The following PCDH11X variants were observed in gnomAD, a reference collection of about 807,000 sequenced individuals.
The protein encoded by PCDH11X is protocadherin-11 X-linked.
In PCDH11X, 18 loss-of-function variants were observed where a neutral mutation model predicts 53.3. The observed-to-expected ratio is 0.34, with a 90% CI of 0.23 to 0.50. The LOEUF (loss-of-function observed/expected upper bound fraction) is 0.50. PCDH11X is among the 20% of genes least tolerant of loss of function. PCDH11X has a pLI of 0.98. For missense variants in PCDH11X, 570 were observed against 1,032.4 expected, an observed-to-expected ratio of 0.55 and a Z score of 6.14; for synonymous variants, 279 against 393.3, an observed-to-expected ratio of 0.71 and a Z score of 3.44.
At chrX:91,935,382 T>C (rs1234665399) in intron 6 of PCDH11X, among the ~76,000 whole-genome samples, 1 of 109,340 alleles carries the variant, frequency 9.1e-6, no homozygotes, top group Non-Finnish European at 1.9e-5. Flanking sequence ...TTCTTACACT[T>C]ATATTTCCCA....
chrX:92,380,063 C>A (rs1209137201), intron 8 of PCDH11X, among the ~76,000 whole-genome samples: 1 of 99,734 alleles, frequency 1.0e-5, no homozygotes, highest in Non-Finnish European at 2.1e-5. Flanking sequence ...GAGCCTGGAC[C>A]TAGGAGCTCC....
chrX:92,095,230 G>T (rs186494306), intron 6 of PCDH11X, among the ~76,000 whole-genome samples: 3,259 of 110,376 alleles, frequency 0.03, 86 homozygotes, highest in African/African-American at 0.081. Context: ...GGCTTTTTCT[G>T]CATTTCATAT....
chrX:91,904,930 A>G lies in PCDH11X; in HGVS notation c.3033+25657A>G, dbSNP rs760482361. ...ATAATAAGCTAAGGACAATTTGTTT[A>G]AAATTGTTTTAGACATTTCATTTAC... is the stretch of plus-strand genomic sequence containing the variant. On this transcript the variant is annotated intron_variant, in intron 6 of 10. Coordinates refer to ENST00000682573, the MANE Select transcript of PCDH11X (RefSeq NM_032968.5). Among the ~76,000 whole-genome samples, 31 of 110,341 alleles carry G rather than the reference A, an allele frequency of 2.8e-4. No individual in the cohort carries two copies. In the South Asian group the frequency reaches 0.011, roughly 37 times the overall value.
intron 6 of PCDH11X, among the ~76,000 whole-genome samples, chrX:92,176,861 GAACA>G (rs1603114291): frequency 1.8e-5 from 2 of 111,250 alleles, no homozygotes; most frequent in Non-Finnish European, 3.8e-5. Flanking sequence ...CAGATCCTTA[GAACA>G]GATTGGCACA....
At chrX:92,127,518 C>CTTTTT (rs35828888) in intron 6 of PCDH11X, among the ~76,000 whole-genome samples, 2 of 88,437 alleles carry the variant, frequency 2.3e-5, no homozygotes, top group Non-Finnish European at 4.3e-5. Context: ...TTTCCCCCCA[C>CTTTTT]TTTTTTTTTT....
chrX:91,970,070 G>A (rs2061930746), intron 6 of PCDH11X, among the ~76,000 whole-genome samples: 1 of 111,199 alleles, frequency 9.0e-6, no homozygotes, highest in African/African-American at 3.3e-5. Flanking sequence ...AGCTCATAAA[G>A]GCAGCGTATC....
intron 6 of PCDH11X, among the ~76,000 whole-genome samples, chrX:92,096,533 G>A (rs1256151052): frequency 9.3e-6 from 1 of 107,777 alleles, no homozygotes; most frequent in Non-Finnish European, 1.9e-5. Context: ...CCATTTTCAT[G>A]CTGCTGATAA....
At chrX:92,259,399 C>T (rs1216510831) in intron 7 of PCDH11X, among the ~76,000 whole-genome samples, 1 of 111,314 alleles carries the variant, frequency 9.0e-6, no homozygotes, top group East Asian at 2.8e-4. Context: ...AGGAAACTTA[C>T]AATCATGGTG....
At chrX:92,138,507 T>C (rs1230756091) in intron 6 of PCDH11X, among the ~76,000 whole-genome samples, 12 of 109,466 alleles carry the variant, frequency 1.1e-4, no homozygotes, top group Non-Finnish European at 2.1e-4. Context: ...AAACATAAAA[T>C]TAAAATTAAC....
intron 6 of PCDH11X, among the ~76,000 whole-genome samples, chrX:92,169,891 C>G (rs1416216185): frequency 9.0e-6 from 1 of 110,693 alleles, no homozygotes; most frequent in East Asian, 2.8e-4. Flanking sequence ...ACAAACTTAC[C>G]TACATATAGG....
chrX:92,143,575 T>C (rs1035519717), intron 6 of PCDH11X, among the ~76,000 whole-genome samples: 3 of 112,609 alleles, frequency 2.7e-5, no homozygotes, highest in African/African-American at 6.5e-5. Flanking sequence ...ATGTCAAGAA[T>C]TGTGGTTTGG....
At chrX:92,128,822 C>CAAT (rs2064919297) in intron 6 of PCDH11X, among the ~76,000 whole-genome samples, 1 of 110,320 alleles carries the variant, frequency 9.1e-6, no homozygotes, top group Non-Finnish European at 1.9e-5. Flanking sequence ...TTTTCTATTA[C>CAAT]AATAATTTCC....
chrX:91,986,660 T>A (rs2062233246), intron 6 of PCDH11X, among the ~76,000 whole-genome samples: 1 of 107,992 alleles, frequency 9.3e-6, no homozygotes, highest in Admixed American at 1.0e-4. Context: ...TCAAAGCGAC[T>A]CTGCATTTCT....
intron 8 of PCDH11X, among the ~76,000 whole-genome samples, chrX:92,336,103 A>G (rs1239769284): frequency 1.8e-5 from 2 of 111,742 alleles, no homozygotes; most frequent in Non-Finnish European, 3.8e-5. Context: ...GAAGGTATCT[A>G]CCAAAATTAT....
At chrX:91,932,601 GAGAGAACA>G (rs2061400075) in intron 6 of PCDH11X, among the ~76,000 whole-genome samples, 1 of 101,139 alleles carries the variant, frequency 9.9e-6, no homozygotes, top group Non-Finnish European at 2.0e-5. Context: ...GAAGAGAGCA[GAGAGAACA>G]AGAGAAGAGA....
At chrX:92,037,637 G>T (rs750218112) in intron 6 of PCDH11X, among the ~76,000 whole-genome samples, 1,434 of 110,388 alleles carry the variant, frequency 0.013, 26 homozygotes, top group African/African-American at 0.045. Context: ...TTCCACAATT[G>T]TTGAACTAAT....
chrX:92,218,518 A>G (rs1274966565), intron 7 of PCDH11X, among the ~76,000 whole-genome samples: 1 of 110,832 alleles, frequency 9.0e-6, no homozygotes, highest in Non-Finnish European at 1.9e-5. Flanking sequence ...ATCTCTGAAT[A>G]GACCAATAAC....
chrX:92,123,097 A>T (rs59779515), intron 6 of PCDH11X, among the ~76,000 whole-genome samples: 1 of 111,232 alleles, frequency 9.0e-6, no homozygotes, highest in African/African-American at 3.3e-5. Flanking sequence ...CATTTTGGGG[A>T]AAGTTTATTC....
chrX:91,962,510 T>C (rs2061802652), intron 6 of PCDH11X, among the ~76,000 whole-genome samples: 1 of 112,338 alleles, frequency 8.9e-6, no homozygotes, highest in African/African-American at 3.2e-5. Flanking sequence ...CAGCCCACCA[T>C]CCTGGCTGCA....
Sources: allele counts gnomAD v4.1 joint callset (sites outside exome capture counted in the v4.1 genomes callset), GRCh38; gene constraint gnomAD v4.1.1; transcripts MANE v1.5; gene names NCBI Gene and HGNC (gene_info 2026-07-23, HGNC 2026-07-21).